NBEA: variants seen among roughly 807,000 people sequenced by gnomAD.
The protein encoded by NBEA is lysosomal-trafficking regulator 2.
Under a neutral mutation model 343.4 loss-of-function variants are expected in NBEA, and 44 were observed. The observed-to-expected ratio is 0.13, with a 90% CI of 0.10 to 0.16. The LOEUF (loss-of-function observed/expected upper bound fraction) is 0.16, where lower values mean the gene tolerates loss of function less well. NBEA is among the 10% of genes least tolerant of loss of function. The pLI is 1.00. For missense variants in NBEA, 2,555 were observed against 3,631.3 expected (o/e 0.70, Z 7.62); for synonymous variants, 1,175 against 1,238.7 (o/e 0.95, Z 1.08).
chr13:35,325,975 G>C (rs1482297063), intron 36 of NBEA, among the ~76,000 whole-genome samples: 1 of 151,970 alleles, frequency 6.6e-6, no homozygotes, highest in Admixed American at 6.6e-5. Context: ...TAGGTGTACA[G>C]CTTTATCTCT....
chr13:35,496,156 T>A (rs2076667588), intron 41 of NBEA, among the ~76,000 whole-genome samples: 1 of 152,010 alleles, frequency 6.6e-6, no homozygotes, highest in Non-Finnish European at 1.5e-5. Context: ...AGTATTGTAC[T>A]TCCCTTTTTA....
chr13:35,170,648 T>C (rs1170501397), intron 25 of NBEA, among the ~76,000 whole-genome samples: 1 of 151,842 alleles, frequency 6.6e-6, no homozygotes, highest in East Asian at 1.9e-4. Flanking sequence ...GTTTTATAAG[T>C]CACGAATTAA....
chr13:35,464,182 A>G (rs2047051749), intron 40 of NBEA, among the ~76,000 whole-genome samples: 1 of 152,190 alleles, frequency 6.6e-6, no homozygotes, highest in Non-Finnish European at 1.5e-5. Context: ...GAAAAAGGGT[A>G]AACCCCAGTG....
At chr13:35,178,088 A>G (rs2071041717) in intron 28 of NBEA, among the ~76,000 whole-genome samples, 1 of 151,766 alleles carries the variant, frequency 6.6e-6, no homozygotes. Context: ...CTAGTAGTCA[A>G]CAGAATGCAG....
chr13:35,255,612 C>T (rs554285686), intron 34 of NBEA, among the ~76,000 whole-genome samples: 1 of 152,312 alleles, frequency 6.6e-6, no homozygotes, highest in South Asian at 2.1e-4. Flanking sequence ...CTGCAGGCAC[C>T]CATGTCTGGA....
chr13:35,435,945 A>C (rs941612614), intron 39 of NBEA, among the ~76,000 whole-genome samples: 1 of 152,152 alleles, frequency 6.6e-6, no homozygotes, highest in Non-Finnish European at 1.5e-5. Flanking sequence ...CTATCTAGGA[A>C]CTTGACCCAA....
chr13:35,041,873 A>G lies in NBEA; in HGVS notation c.526+709A>G, dbSNP rs182172035. Among the ~76,000 whole-genome samples, 4 of 152,124 alleles carry G rather than the reference A, an allele frequency of 2.6e-5. No individual in the cohort carries two copies. The East Asian group carries it at 7.7e-4, about 29-fold the overall frequency. ...TGAATATTATTCCAGAGCAAATATC[A>G]TTCCAGAAAATAAGTTTAAAGTTTA... On this transcript the variant is annotated intron_variant, in intron 2 of 58. Coordinates refer to ENST00000379939, the MANE Select transcript of NBEA (RefSeq NM_001385012.1).
rs563432761 is a variant in NBEA at position 35,424,671 on chromosome 13, G to A, written c.6180-7598G>A. ...GGATGATGCTGGCCTCATAAAATGA[G>A]TTAGGGAGGATTCCCTCTTTTTCTA... On this transcript the variant is annotated intron_variant, in intron 38 of 58. Transcript: ENST00000379939. 2.0e-5 allele frequency among the ~76,000 whole-genome samples: 3 copies of A among 152,286 alleles called. No homozygotes were observed. The South Asian group carries it at 6.2e-4, about 32-fold the overall frequency.
intron 51 of NBEA, among the ~76,000 whole-genome samples, chr13:35,646,561 T>C (rs1342627892): frequency 6.6e-6 from 1 of 152,186 alleles, no homozygotes; most frequent in East Asian, 1.9e-4. Context: ...CACTTTTGGA[T>C]TCACAAAAAT....
intron 36 of NBEA, among the ~76,000 whole-genome samples, chr13:35,343,965 G>A (rs1385217925): frequency 6.6e-6 from 1 of 152,008 alleles, no homozygotes; most frequent in Non-Finnish European, 1.5e-5. Flanking sequence ...ACTGGCCCGT[G>A]GAAAAATTGT....
At chr13:35,257,311 T>G (rs2152794607) in intron 34 of NBEA, among the ~76,000 whole-genome samples, 1 of 152,370 alleles carries the variant, frequency 6.6e-6, no homozygotes, top group Non-Finnish European at 1.5e-5. Context: ...TGCTAACTGT[T>G]CTGAATTTTC....
Position 35,403,311 on chromosome 13 carries a change from T to C in NBEA, c.6180-28958T>C, listed in dbSNP as rs1183842211. Among the ~76,000 whole-genome samples the C allele has an allele frequency of 6.6e-5, 10 of 152,224 alleles. No homozygotes were observed. The East Asian group carries it at 1.9e-3, about 29-fold the overall frequency. On this transcript the variant is annotated intron_variant, in intron 38 of 58. Transcript: ENST00000379939. ...TATTTGCAAACACTATTATAAGTAC[T>C]ATAGGGTTGCAAAGCTGCATGAGGT...
intron 41 of NBEA, among the ~76,000 whole-genome samples, chr13:35,510,013 C>G (rs1356887930): frequency 3.9e-5 from 6 of 152,202 alleles, no homozygotes; most frequent in Non-Finnish European, 7.4e-5. Flanking sequence ...GTCAATAGAT[C>G]TGATCTGAAT....
At chr13:35,624,731 AAG>A (rs911786330) in intron 48 of NBEA, among the ~76,000 whole-genome samples, 5 of 152,062 alleles carry the variant, frequency 3.3e-5, no homozygotes, top group Non-Finnish European at 5.9e-5. Context: ...AGGTACATAG[AAG>A]AGAGAGCAAA....
chr13:35,535,226 C>T lies in NBEA; in HGVS notation c.6586-15251C>T, dbSNP rs180961769. Among the ~76,000 whole-genome samples the T allele has an allele frequency of 3.6e-3, 553 of 152,228 alleles. 2 individuals carry two copies. Among genetic ancestry groups the T allele is most frequent in the Non-Finnish European group, 3.8e-3 (261 of 68,000 alleles). Reference sequence around the variant, plus strand: ...ATTTTCCTGTAATGTAGAAAACTGGCGGCAGAAGCAAAAACACCATGGGAA... The same window carrying T: ...ATTTTCCTGTAATGTAGAAAACTGGTGGCAGAAGCAAAAACACCATGGGAA... On this transcript the variant is annotated intron_variant, in intron 41 of 58. Coordinates refer to ENST00000379939, the MANE Select transcript of NBEA (RefSeq NM_001385012.1).
intron 1 of NBEA, among the ~76,000 whole-genome samples, chr13:35,002,038 C>T (rs1010234443): frequency 6.6e-6 from 1 of 151,894 alleles, no homozygotes; most frequent in African/African-American, 2.4e-5. Flanking sequence ...TAGCCAGTGA[C>T]CAGGAATGGT....
intron 38 of NBEA, among the ~76,000 whole-genome samples, chr13:35,381,295 G>A (rs1039772658): frequency 6.6e-6 from 1 of 152,012 alleles, no homozygotes; most frequent in South Asian, 2.1e-4. Context: ...CAACTATTCT[G>A]TAATATGTCA....
intron 30 of NBEA, 126 bp downstream of exon 30, chr13:35,184,197 T>C (rs911063064): frequency 1.1e-5 from 7 of 619,610 alleles, no homozygotes; most frequent in Non-Finnish European, 1.6e-5. Flanking sequence ...AGATATGATA[T>C]GTTGTATTTA....
At chr13:35,523,593 T>C (rs1422411239) in intron 41 of NBEA, among the ~76,000 whole-genome samples, 4 of 152,166 alleles carry the variant, frequency 2.6e-5, no homozygotes, top group Non-Finnish European at 4.4e-5. Flanking sequence ...AGCTGCCCAA[T>C]GAGTTACTAT....
Sources: gnomAD v4.1 joint callset for allele counts (sites outside exome capture counted in the v4.1 genomes callset) on GRCh38, gnomAD v4.1.1 for gene constraint, MANE v1.5 for transcripts, NCBI Gene and HGNC (gene_info 2026-07-23, HGNC 2026-07-21) for gene names.